The following PAXBP1 variants were observed in gnomAD, a reference collection of about 807,000 sequenced individuals.
PAXBP1 encodes the protein PAX3 and PAX7 binding protein 1.
A neutral mutation model predicts 119.9 loss-of-function variants in PAXBP1; 44 were observed. The ratio of observed to expected loss-of-function variants is 0.37; its 90% CI spans 0.29 to 0.47. The LOEUF (loss-of-function observed/expected upper bound fraction) is 0.47, where lower values mean the gene tolerates loss of function less well. Ranked by LOEUF, PAXBP1 falls within the 20% of genes least tolerant of loss-of-function variation. The pLI, the probability that PAXBP1 is intolerant of heterozygous loss-of-function variation, is 0.99. For synonymous variants in PAXBP1, 393 were observed against 406.6 expected (o/e 0.97, Z 0.40); for missense variants, 898 against 1,134.1 (o/e 0.79, Z 2.99).
At chr21:32,771,128 A>G (rs922435051) in intron 1 of PAXBP1, among the ~76,000 whole-genome samples, 198 bp downstream of exon 1, 2 of 152,242 alleles carry the variant, frequency 1.3e-5, no homozygotes. Context: ...GTGGTTAAGA[A>G]AAGGCTGGGG....
chr21:32,746,505 T>TCAA (rs1787920062), intron 11 of PAXBP1, among the ~76,000 whole-genome samples: 2 of 152,066 alleles, frequency 1.3e-5, no homozygotes, highest in South Asian at 4.1e-4. Flanking sequence ...GAAAAAAAGC[T>TCAA]CAACATCACC....
At chr21:32,760,016 G>C in intron 5 of PAXBP1, 22 bp from the exon 6 acceptor site, 6 of 1,569,064 alleles carry the variant, frequency 3.8e-6, no homozygotes, top group Non-Finnish European at 5.2e-6. Flanking sequence ...ATGGGATATA[G>C]ATGAAATCTG....
At chr21:32,740,187 C>T (rs1399974659) in intron 15 of PAXBP1, among the ~76,000 whole-genome samples, 1 of 152,178 alleles carries the variant, frequency 6.6e-6, no homozygotes, top group Non-Finnish European at 1.5e-5. Context: ...TCTGGAAAAA[C>T]TTATCAGAAA....
chr21:32,756,267 G>T (rs1272749583), intron 7 of PAXBP1: 1 of 533,696 alleles, frequency 1.9e-6, no homozygotes, highest in African/African-American at 1.9e-5. Flanking sequence ...GAGGAAACCA[G>T]AAATTCTAGT....
intron 7 of PAXBP1, 130 bp from the exon 8 acceptor site, chr21:32,755,483 G>A: frequency 8.5e-7 from 1 of 1,179,844 alleles, no homozygotes; most frequent in Non-Finnish European, 1.2e-6. Flanking sequence ...ATCCCCAACA[G>A]CACACAAGTA....
intron 13 of PAXBP1, 97 bp downstream of exon 13, chr21:32,744,695 T>G: frequency 8.0e-7 from 1 of 1,254,482 alleles, no homozygotes; most frequent in Non-Finnish European, 1.1e-6. Context: ...GAACCAGATT[T>G]CTGATTGGTT....
intron 6 of PAXBP1, 108 bp downstream of exon 6, chr21:32,759,669 C>T: frequency 1.1e-6 from 1 of 908,016 alleles, no homozygotes; most frequent in Non-Finnish European, 1.7e-6. Flanking sequence ...TGAAGCTGGG[C>T]CAGTGAATCT....
intron 2 of PAXBP1, among the ~76,000 whole-genome samples, chr21:32,768,255 C>G (rs1645760403): frequency 6.6e-6 from 1 of 152,180 alleles, no homozygotes; most frequent in Non-Finnish European, 1.5e-5. Flanking sequence ...CATAAAGGCC[C>G]TTAGTAGATG....
intron 8 of PAXBP1, among the ~76,000 whole-genome samples, chr21:32,752,537 T>C (rs1482914029): frequency 6.6e-6 from 1 of 152,212 alleles, no homozygotes; most frequent in African/African-American, 2.4e-5. Flanking sequence ...TGATATTTAC[T>C]GATATCAACA....
At chr21:32,764,575 G>C (rs775163581) in intron 2 of PAXBP1, 51 bp from the exon 3 acceptor site, 2 of 1,402,884 alleles carry the variant, frequency 1.4e-6, no homozygotes, top group South Asian at 2.9e-5. Flanking sequence ...CATAAATTAA[G>C]AAAGTTTATT....
intron 2 of PAXBP1, among the ~76,000 whole-genome samples, chr21:32,766,473 C>G (rs1479821231): frequency 6.6e-6 from 1 of 152,122 alleles, no homozygotes; most frequent in Non-Finnish European, 1.5e-5. Flanking sequence ...TCACCTTAAA[C>G]CTGGTCAGGC....
intron 6 of PAXBP1, 163 bp downstream of exon 6, chr21:32,759,614 A>G: frequency 3.0e-6 from 2 of 671,848 alleles, no homozygotes; most frequent in South Asian, 3.8e-5. Context: ...AAGTAATCCA[A>G]GAAGGTAGCA....
intron 14 of PAXBP1, 51 bp downstream of exon 14, chr21:32,743,627 T>C (rs1459575919): frequency 7.3e-7 from 1 of 1,360,806 alleles, no homozygotes; most frequent in Admixed American, 1.8e-5. Context: ...ATAAGCCTTC[T>C]CTGAAACACA....
At chr21:32,738,900 A>G (rs889647656) in intron 15 of PAXBP1, among the ~76,000 whole-genome samples, 4 of 152,198 alleles carry the variant, frequency 2.6e-5, no homozygotes, top group African/African-American at 7.2e-5. Flanking sequence ...TGGTAACACT[A>G]TTCAACCAGC....
intron 4 of PAXBP1, among the ~76,000 whole-genome samples, 181 bp downstream of exon 4, chr21:32,761,915 G>T (rs533861500): frequency 6.6e-6 from 1 of 152,162 alleles, no homozygotes; most frequent in Non-Finnish European, 1.5e-5. Context: ...ACGCACACCT[G>T]TAGTCCCAGC....
At chr21:32,737,144 G>A (rs2043703896) in intron 17 of PAXBP1, 110 bp downstream of exon 17, 26 of 930,960 alleles carry the variant, frequency 2.8e-5, no homozygotes, top group Middle Eastern at 7.3e-4. Flanking sequence ...ATAATACTAA[G>A]TGAACATACA....
Position 32,764,219 on chromosome 21 carries a change from C to T in PAXBP1, c.649+129G>A, listed in dbSNP as rs1601608578. On this transcript the variant is annotated intron_variant, in intron 3 of 17. Transcript: ENST00000331923. ...TTTTTTATATTTGCAAATGGAAAAA[C>T]TCCCTCTTCAAACAGCAATGTCATA... 1.4e-5 allele frequency: 12 copies of T among 867,232 alleles called. No homozygotes were observed. In the East Asian group the frequency reaches 3.5e-4, roughly 25 times the overall value. 53.7% of individuals were successfully genotyped at this position (867,232 alleles called of 1,614,324 possible).
chr21:32,750,907 A>C lies in PAXBP1; in HGVS notation c.1723+10T>G. On this transcript the variant is annotated intron_variant, in intron 10 of 17. Transcript: ENST00000331923. The stretch of plus-strand genomic sequence containing the variant: ...TGATGATGAGTCTTATTTCCAAATA[A>C]ATGTCTAACCTTTTTCCAGATTGAA... 1 of 1,588,940 alleles carries C rather than the reference A, an allele frequency of 6.3e-7. No individual in the cohort carries two copies. Among genetic ancestry groups the C allele is most frequent in the Non-Finnish European group, 8.6e-7 (1 of 1,162,200 alleles).
intron 8 of PAXBP1, among the ~76,000 whole-genome samples, chr21:32,754,166 T>C (rs1190499447): frequency 1.3e-5 from 2 of 152,216 alleles, no homozygotes; most frequent in African/African-American, 4.8e-5. Context: ...AGGATGCTTT[T>C]TCAGGGATCC....
Sources: allele counts gnomAD v4.1 joint callset (sites outside exome capture counted in the v4.1 genomes callset), GRCh38; gene constraint gnomAD v4.1.1; transcripts MANE v1.5; gene names NCBI Gene and HGNC (gene_info 2026-07-23, HGNC 2026-07-21).